Variants in CADPS2 observed in about 807,000 individuals in gnomAD.
The protein encoded by CADPS2 is calcium dependent secretion activator 2.
In CADPS2, 93 loss-of-function variants were observed where a neutral mutation model predicts 172.5. That is an observed-to-expected ratio of 0.54 (90% CI 0.46 to 0.64). CADPS2 has a LOEUF of 0.64. CADPS2 is among the 30% of genes least tolerant of loss of function. The pLI is 0.00. For missense variants in CADPS2, 1,420 were observed against 1,565.9 expected, an observed-to-expected ratio of 0.91 and a Z score of 1.57; for synonymous variants, 546 against 555.2, an observed-to-expected ratio of 0.98 and a Z score of 0.23.
chr7:122,669,389 CCA>C (rs2081541729), intron 2 of CADPS2, among the ~76,000 whole-genome samples: 2 of 149,732 alleles, frequency 1.3e-5, no homozygotes, highest in South Asian at 4.3e-4. Context: ...ATTACTACCC[CCA>C]CACACTGAAA....
intron 6 of CADPS2, among the ~76,000 whole-genome samples, chr7:122,586,019 G>A (rs1167111979): frequency 1.3e-5 from 2 of 151,864 alleles, no homozygotes; most frequent in African/African-American, 4.8e-5. Flanking sequence ...AAACACTTAA[G>A]CAAGATAAAT....
At chr7:122,753,714 GCTGCCAAAAATTAGATGACAAAT>G (rs1227497111) in intron 1 of CADPS2, among the ~76,000 whole-genome samples, 19 of 152,066 alleles carry the variant, frequency 1.2e-4, no homozygotes, top group African/African-American at 4.3e-4. Context: ...AACAGCTATG[GCTGCCAAAAATTAGATGACAAAT>G]CTAAAGCAAG....
intron 8 of CADPS2, among the ~76,000 whole-genome samples, chr7:122,530,505 A>T (rs781508725): frequency 9.2e-5 from 14 of 152,118 alleles, no homozygotes; most frequent in Admixed American, 9.2e-4. Context: ...CATTTTCCTT[A>T]TAACAACTTA....
At position 122,438,465 on chromosome 7, in the gene CADPS2, C is replaced by T; in HGVS notation, c.2353-1G>A. 1.2e-6 allele frequency: 2 copies of T among 1,612,420 alleles called. No individual in the cohort carries two copies. Among genetic ancestry groups the T allele is most frequent in the Non-Finnish European group, 1.7e-6 (2 of 1,179,024 alleles). ...GAGTGGCAATATCTTTCATTAAAACCTACAGAGAGAGGAAGTGGAAGGGTG... is the reference window on the plus strand; with the variant it reads ...GAGTGGCAATATCTTTCATTAAAACTTACAGAGAGAGGAAGTGGAAGGGTG... On this transcript the variant is annotated splice_acceptor_variant, in intron 16 of 29. Transcript: ENST00000449022. LOFTEE classifies it high-confidence loss of function.
rs548500346 is a variant in CADPS2 at position 122,569,480 on chromosome 7, C to T, written c.1335+11699G>A. ...CCCAAGGTAATTTATAGATTCAATG[C>T]CATCCCCATCAAGCTACCAATGACT... is the stretch of plus-strand genomic sequence containing the variant. On this transcript the variant is annotated intron_variant, in intron 7 of 29. Transcript: ENST00000449022. 3.0e-4 allele frequency among the ~76,000 whole-genome samples: 46 copies of T among 150,970 alleles called. No homozygotes were observed. The South Asian group carries it at 9.5e-3, about 31-fold the overall frequency.
rs1554715355 is a variant in CADPS2, at chr7:122,679,267, G to GGGGGGA, written c.454-15699_454-15698insTCCCCC. Reference sequence around the variant, plus strand: ...GCCCTGGGAAAAGAATGCATTCCTGGGGGGGGGGGGCTCTAAAATGGCCAC... The same window carrying GGGGGGA: ...GCCCTGGGAAAAGAATGCATTCCTGGGGGGGAGGGGGGGGGGCTCTAAAATGGCCAC... On this transcript the variant is annotated intron_variant, in intron 2 of 29. Coordinates refer to ENST00000449022, the MANE Select transcript of CADPS2 (RefSeq NM_017954.11). Among the ~76,000 whole-genome samples, 2 of 52,178 alleles carry GGGGGGA rather than the reference G, an allele frequency of 3.8e-5. 1 individual carries two copies. The highest frequency in any genetic ancestry group is 8.8e-5 in the Non-Finnish European group (2 of 22,746). The allele number at this position is 52,178 out of a possible 152,430, so 34.2% of individuals were successfully genotyped here. A position where few individuals can be genotyped will look rare whatever the true frequency, so the allele number is the denominator to read the frequency against.
chr7:122,521,443 T>C (rs779968461), intron 8 of CADPS2, among the ~76,000 whole-genome samples: 2 of 137,566 alleles, frequency 1.5e-5, no homozygotes, highest in African/African-American at 2.7e-5. Flanking sequence ...CTTTCTTTTA[T>C]TTGACCCCAC....
chr7:122,456,788 A>G (rs2053838895), intron 14 of CADPS2, among the ~76,000 whole-genome samples: 1 of 152,204 alleles, frequency 6.6e-6, no homozygotes, highest in Non-Finnish European at 1.5e-5. Flanking sequence ...ACACAAACAC[A>G]GACAACACTT....
chr7:122,705,491 T>A (rs1389353230), intron 2 of CADPS2, among the ~76,000 whole-genome samples: 1 of 126,284 alleles, frequency 7.9e-6, no homozygotes, highest in Non-Finnish European at 1.6e-5. Context: ...ATATTATATA[T>A]TATCTATATT....
At chr7:122,773,565 A>C (rs1017449634) in intron 1 of CADPS2, among the ~76,000 whole-genome samples, 1 of 152,064 alleles carries the variant, frequency 6.6e-6, no homozygotes, top group Non-Finnish European at 1.5e-5. Context: ...AAAAGAAGGA[A>C]TATAACCCAG....
At chr7:122,507,463 C>T (rs1266951805) in intron 9 of CADPS2, among the ~76,000 whole-genome samples, 1 of 152,094 alleles carries the variant, frequency 6.6e-6, no homozygotes, top group Non-Finnish European at 1.5e-5. Context: ...CTTGAAGGTG[C>T]TAAACTCCTA....
chr7:122,493,271 T>C (rs1360460957), intron 9 of CADPS2, among the ~76,000 whole-genome samples: 1 of 152,164 alleles, frequency 6.6e-6, no homozygotes, highest in African/African-American at 2.4e-5. Flanking sequence ...ATCCACTCTC[T>C]GTACCTGAGG....
At chr7:122,784,694 C>A (rs1589186942) in intron 1 of CADPS2, among the ~76,000 whole-genome samples, 1 of 152,044 alleles carries the variant, frequency 6.6e-6, no homozygotes, top group Non-Finnish European at 1.5e-5. Flanking sequence ...ACACTTCATC[C>A]TTTTCTTAAG....
chr7:122,533,382 T>G (rs2061951071), intron 8 of CADPS2, among the ~76,000 whole-genome samples: 1 of 152,178 alleles, frequency 6.6e-6, no homozygotes, highest in Non-Finnish European at 1.5e-5. Context: ...GCTAGCATTT[T>G]TATATCCATT....
At chr7:122,616,004 G>A (rs1367980587) in intron 5 of CADPS2, among the ~76,000 whole-genome samples, 2 of 152,002 alleles carry the variant, frequency 1.3e-5, no homozygotes, top group Non-Finnish European at 2.9e-5. Context: ...CTGGGAGAAA[G>A]GACAACATAT....
chr7:122,787,916 A>T (rs1437286304), intron 1 of CADPS2, among the ~76,000 whole-genome samples: 1 of 152,178 alleles, frequency 6.6e-6, no homozygotes, highest in Non-Finnish European at 1.5e-5. Flanking sequence ...AAAAAACTGG[A>T]AAGGCTTTTA....
rs1252149081 is a variant in CADPS2 at position 122,645,449 on chromosome 7, A to ATG, written c.787-16122_787-16121insCA. ...TGTGTATATATGTATATATACACAC[A>ATG]CATATGTATATATGTGTATATATGT... On this transcript the variant is annotated intron_variant, in intron 3 of 29. Coordinates refer to ENST00000449022, the MANE Select transcript of CADPS2 (RefSeq NM_017954.11). Among the ~76,000 whole-genome samples the ATG allele has an allele frequency of 4.3e-3, 377 of 87,326 alleles. 7 individuals are homozygous for ATG. Among genetic ancestry groups the ATG allele is most frequent in the African/African-American group, 0.016 (360 of 23,120 alleles). The allele number at this position is 87,326 out of a possible 152,430, so 57.3% of individuals were successfully genotyped here.
At chr7:122,756,323 T>C (rs1157415681) in intron 1 of CADPS2, among the ~76,000 whole-genome samples, 1 of 152,218 alleles carries the variant, frequency 6.6e-6, no homozygotes, top group Non-Finnish European at 1.5e-5. Context: ...ATCCTAATAC[T>C]GTAGAACATC....
chr7:122,493,170 C>T (rs2058450326), intron 9 of CADPS2, among the ~76,000 whole-genome samples: 1 of 151,714 alleles, frequency 6.6e-6, no homozygotes, highest in Non-Finnish European at 1.5e-5. Flanking sequence ...TAACTCACAC[C>T]AGAAATATAA....
Sources: gnomAD v4.1 joint callset for allele counts (sites outside exome capture counted in the v4.1 genomes callset) on GRCh38, gnomAD v4.1.1 for gene constraint, MANE v1.5 for transcripts, NCBI Gene and HGNC (gene_info 2026-07-23, HGNC 2026-07-21) for gene names.